The following YWHAQ variants were observed in gnomAD, a reference collection of about 807,000 sequenced individuals.
The protein encoded by YWHAQ is tyrosine 3-monooxygenase/tryptophan 5-monooxygenase activation protein theta, also known as 14-3-3 protein theta.
A neutral mutation model predicts 28.3 loss-of-function variants in YWHAQ; 6 were observed. The observed-to-expected ratio is 0.21, with a 90% CI of 0.12 to 0.42. The LOEUF (loss-of-function observed/expected upper bound fraction) is 0.42. Ranked by LOEUF, YWHAQ falls within the 10% of genes least tolerant of loss-of-function variation. YWHAQ has a pLI of 1.00. For missense variants in YWHAQ, 201 were observed against 305.6 expected (o/e 0.66, Z 2.55); for synonymous variants, 143 against 119.1 (o/e 1.20, Z -1.31).
In YWHAQ at chr2:9,616,578, A is replaced by T. The variant is rs574577741; in HGVS notation, c.294+13581T>A. Among the ~76,000 whole-genome samples the T allele has an allele frequency of 2.5e-3, 257 of 104,840 alleles. 1 individual carries two copies. The highest frequency in any genetic ancestry group is 6.8e-3 in the African/African-American group (228 of 33,670). 68.8% of individuals were successfully genotyped at this position (104,840 alleles called of 152,430 possible). A position where few individuals can be genotyped will look rare whatever the true frequency, so the allele number is the denominator to read the frequency against. On this transcript the variant is annotated intron_variant, in intron 2 of 5. Transcript: ENST00000238081. ...AAGGTCTAGTATCCATAATATATTT[A>T]AAAAAAAAAAAGATTACAACCCAAT...
At chr2:9,599,787 C>A (rs988727638) in intron 2 of YWHAQ, among the ~76,000 whole-genome samples, 1 of 152,180 alleles carries the variant, frequency 6.6e-6, no homozygotes, top group Admixed American at 6.5e-5. Flanking sequence ...TGCCTGCTCA[C>A]ATAAAACAAC....
At chr2:9,595,442 T>C (rs1239096268) in intron 2 of YWHAQ, among the ~76,000 whole-genome samples, 1 of 152,152 alleles carries the variant, frequency 6.6e-6, no homozygotes, top group Non-Finnish European at 1.5e-5. Context: ...CCGTGACTCA[T>C]GCCTGTTATC....
At chr2:9,618,531 G>C (rs1667080354) in intron 2 of YWHAQ, among the ~76,000 whole-genome samples, 1 of 152,118 alleles carries the variant, frequency 6.6e-6, no homozygotes, top group African/African-American at 2.4e-5. Flanking sequence ...TTTTGAGACA[G>C]AGACTAGGTC....
At chr2:9,599,492 G>A (rs911578022) in intron 2 of YWHAQ, among the ~76,000 whole-genome samples, 1 of 152,304 alleles carries the variant, frequency 6.6e-6, no homozygotes, top group South Asian at 2.1e-4. Flanking sequence ...ATTGCAGCTG[G>A]TGACTTTAAG....
chr2:9,585,047 T>C lies in YWHAQ; in HGVS notation c.*239A>G, dbSNP rs1458010612. 5.9e-6 allele frequency: 3 copies of C among 511,310 alleles called. No homozygotes were observed. The highest frequency in any genetic ancestry group is 5.4e-4 in the Middle Eastern group (1 of 1,848). 31.7% of individuals were successfully genotyped at this position (511,310 alleles called of 1,614,324 possible). On this transcript the variant is annotated 3_prime_UTR_variant, in exon 6 of 6. Coordinates refer to ENST00000238081, the MANE Select transcript of YWHAQ (RefSeq NM_006826.4). ...TACATAAGTGTTTGGGAGTTACTTATGTTTATATGAAATGAAGCTATTAAT... is the reference window on the plus strand; with the variant it reads ...TACATAAGTGTTTGGGAGTTACTTACGTTTATATGAAATGAAGCTATTAAT...
intron 2 of YWHAQ, among the ~76,000 whole-genome samples, chr2:9,607,070 G>C (rs1666845598): frequency 6.6e-6 from 1 of 151,958 alleles, no homozygotes; most frequent in Non-Finnish European, 1.5e-5. Flanking sequence ...TTTTAGTAGA[G>C]ATGGGGTTTC....
chr2:9,586,806 A>AT (rs1375724666), intron 5 of YWHAQ, among the ~76,000 whole-genome samples: 1 of 152,174 alleles, frequency 6.6e-6, no homozygotes. Flanking sequence ...GAAGTCTAAG[A>AT]TTTTACCTAT....
intron 2 of YWHAQ, among the ~76,000 whole-genome samples, chr2:9,619,630 G>C (rs997296543): frequency 1.3e-5 from 2 of 152,044 alleles, no homozygotes; most frequent in African/African-American, 4.8e-5. Flanking sequence ...TATGTAAAAA[G>C]TAACTTCCAC....
At chr2:9,606,348 C>G (rs907333262) in intron 2 of YWHAQ, among the ~76,000 whole-genome samples, 14 of 152,168 alleles carry the variant, frequency 9.2e-5, no homozygotes, top group African/African-American at 2.9e-4. Context: ...GGCAGACTGC[C>G]TGAGCTCAGG....
rs1666314530 is a variant in YWHAQ at position 9,584,999 on chromosome 2, T to A, written c.*287A>T. On this transcript the variant is annotated 3_prime_UTR_variant, in exon 6 of 6. Transcript: ENST00000238081. The stretch of plus-strand genomic sequence containing the variant: ...GCAGAACTGGTTCAGATTACTTAAA[T>A]ACCAGATACATTTTTAGTCCTCTAC... 8.4e-6 allele frequency: 3 copies of A among 355,062 alleles called. No homozygotes were observed. Among genetic ancestry groups the A allele is most frequent in the Non-Finnish European group, 1.5e-5 (3 of 193,748 alleles). 22.0% of individuals were successfully genotyped at this position (355,062 alleles called of 1,614,324 possible).
At chr2:9,593,671 A>G (rs1666504636) in intron 2 of YWHAQ, among the ~76,000 whole-genome samples, 1 of 151,794 alleles carries the variant, frequency 6.6e-6, no homozygotes, top group Non-Finnish European at 1.5e-5. Context: ...TCTACAAAGA[A>G]TTTTAAAAAA....
At position 9,630,586 on chromosome 2, in the gene YWHAQ, C is replaced by G. The variant is rs1205700223; in HGVS notation, c.-82-52G>C. ...AGAACAAAAAGCAGAGAGGGAGCGC[C>G]GTCAGACAATGCGGCCCGCCGCCCG... On this transcript the variant is annotated intron_variant, in intron 1 of 5. Coordinates refer to ENST00000238081, the MANE Select transcript of YWHAQ (RefSeq NM_006826.4). This position sits in a 1 kb window ranked among gnomAD's most constrained non-coding sequence, Gnocchi z 5.6. 1.2e-6 allele frequency: 1 copy of G among 868,792 alleles called. No homozygotes were observed. 53.8% of individuals were successfully genotyped at this position (868,792 alleles called of 1,614,324 possible).
chr2:9,607,073 G>C (rs1666845658), intron 2 of YWHAQ, among the ~76,000 whole-genome samples: 1 of 151,912 alleles, frequency 6.6e-6, no homozygotes, highest in Admixed American at 6.6e-5. Flanking sequence ...TAGTAGAGAT[G>C]GGGTTTCACC....
chr2:9,607,532 A>T (rs1666855954), intron 2 of YWHAQ, among the ~76,000 whole-genome samples: 1 of 151,972 alleles, frequency 6.6e-6, no homozygotes, highest in Admixed American at 6.6e-5. Flanking sequence ...AAATCAGATA[A>T]AACAGTACCA....
chr2:9,617,897 A>G (rs1275505908), intron 2 of YWHAQ, among the ~76,000 whole-genome samples: 1 of 151,862 alleles, frequency 6.6e-6, no homozygotes, highest in Non-Finnish European at 1.5e-5. Context: ...ATTGTACTCC[A>G]GCTTGGGTGA....
At position 9,630,484 on chromosome 2, in the gene YWHAQ, G is replaced by T. The variant is rs1130874; in HGVS notation, c.-32C>A. The stretch of plus-strand genomic sequence containing the variant: ...CGCGGGGCCGGGGCCGGGGCGGAGG[G>T]CGAGGAGAGCGAGGGCGAGCGCCGA... On this transcript the variant is annotated 5_prime_UTR_variant, in exon 2 of 6. Coordinates refer to ENST00000238081, the MANE Select transcript of YWHAQ (RefSeq NM_006826.4). This position sits in a 1 kb window ranked among gnomAD's most constrained non-coding sequence, Gnocchi z 5.6. 1.6e-6 allele frequency: 2 copies of T among 1,268,214 alleles called. No individual in the cohort carries two copies. Among genetic ancestry groups the T allele is most frequent in the Non-Finnish European group, 2.2e-6 (2 of 901,510 alleles). 78.6% of individuals were successfully genotyped at this position (1,268,214 alleles called of 1,614,324 possible).
intron 2 of YWHAQ, chr2:9,628,599 T>C (rs1667292647): frequency 6.6e-6 from 1 of 152,236 alleles, no homozygotes. Flanking sequence ...AATACATACA[T>C]AGAAAACCTT....
chr2:9,611,425 C>A (rs1461689668), intron 2 of YWHAQ, among the ~76,000 whole-genome samples: 2 of 152,158 alleles, frequency 1.3e-5, no homozygotes, highest in East Asian at 3.8e-4. Flanking sequence ...TTTTATGCAC[C>A]AGTCGCATGA....
At chr2:9,587,801 G>C (rs1370626107) in intron 4 of YWHAQ, among the ~76,000 whole-genome samples, 1 of 152,174 alleles carries the variant, frequency 6.6e-6, no homozygotes, top group Non-Finnish European at 1.5e-5. Context: ...ATCTCTACAG[G>C]GTCCTCTTTA....
Sources: allele counts gnomAD v4.1 joint callset (sites outside exome capture counted in the v4.1 genomes callset), GRCh38; gene constraint gnomAD v4.1.1; non-coding constraint Gnocchi (gnomAD v3.1); transcripts MANE v1.5; gene names NCBI Gene and HGNC (gene_info 2026-07-23, HGNC 2026-07-21).